STARD7: variants seen among roughly 807,000 people sequenced by gnomAD.
The protein encoded by STARD7 is stAR-related lipid transfer protein 7, mitochondrial.
Under a neutral mutation model 45.3 loss-of-function variants are expected in STARD7, and 30 were observed. The observed-to-expected ratio is 0.66, with a 90% confidence interval of 0.50 to 0.90. The LOEUF is 0.90. STARD7 is among the 40% of genes least tolerant of loss of function. The probability of loss-of-function intolerance (pLI) is 0.00; values close to 1 mark genes in which losing one functional copy is unlikely to be tolerated. For missense variants in STARD7, 495 were observed against 491.3 expected (o/e 1.01, Z -0.07); for synonymous variants, 199 against 183.0 (o/e 1.09, Z -0.70).
chr2:96,199,313 C>T (rs1243470514), intron 1 of STARD7, among the ~76,000 whole-genome samples: 2 of 152,154 alleles, frequency 1.3e-5, no homozygotes, highest in Non-Finnish European at 2.9e-5. Flanking sequence ...TCCATGAACA[C>T]GGGATGTCTT....
Position 96,208,395 on chromosome 2 carries a change from T to G in STARD7, c.40A>C (p.Thr14Pro). Residue 14 changes from threonine to proline, a missense_variant, in exon 1 of 8, where the codon ACG becomes CCG. This residue lies in a region of STARD7 where 282 missense variants were observed against 220.1 expected (regional missense o/e 1.28). Coordinates refer to ENST00000337288, the MANE Select transcript of STARD7 (RefSeq NM_020151.4). ...RRLLAAWLAGTRGGGLLALLA... is the reference protein window; with the variant it reads ...RRLLAAWLAGPRGGGLLALLA... The stretch of plus-strand genomic sequence containing the variant: ...AGCGCCAGCAGGCCCCCGCCCCGCG[T>G]CCCCGCCAGCCAGGCGGCCAGCAGC... 6.8e-7 allele frequency: 1 copy of G among 1,463,280 alleles called. No homozygotes were observed. The highest frequency in any genetic ancestry group is 9.0e-7 in the Non-Finnish European group (1 of 1,116,922). The allele number at this position is 1,463,280 out of a possible 1,614,324, so 90.6% of individuals were successfully genotyped here. A position where few individuals can be genotyped will look rare whatever the true frequency, so the allele number is the denominator to read the frequency against.
chr2:96,201,409 TAAAA>T (rs60808208), intron 1 of STARD7, among the ~76,000 whole-genome samples: 18 of 109,618 alleles, frequency 1.6e-4, no homozygotes, highest in African/African-American at 5.8e-4. Flanking sequence ...ACTCCACCTC[TAAAA>T]AAAAAAAAAA....
Position 96,197,109 on chromosome 2 carries a change from AAT to A in STARD7, c.291-1562_291-1561del, listed in dbSNP as rs1558735891. Among the ~76,000 whole-genome samples the A allele has an allele frequency of 1.2e-4, 17 of 144,508 alleles. 2 individuals carry two copies. In the East Asian group the frequency reaches 1.3e-3, roughly 11 times the overall value. The allele number at this position is 144,508 out of a possible 152,430, so 94.8% of individuals were successfully genotyped here. The stretch of plus-strand genomic sequence containing the variant: ...AATAAAATAAAATAAAATAAAATAA[AAT>A]AAAATAAAATAAAGCCAAGCACAAC... On this transcript the variant is annotated intron_variant, in intron 1 of 7. Transcript: ENST00000337288.
rs1414624344 is a variant in STARD7, at chr2:96,185,384, A to G, written c.*1346T>C. On this transcript the variant is annotated 3_prime_UTR_variant, in exon 8 of 8. Transcript: ENST00000337288. ...AAAACAGTAGCAAGCAGGAAAACAAAAACAAAAACAAAAACAAAAACTCTG... is the reference window on the plus strand; with the variant it reads ...AAAACAGTAGCAAGCAGGAAAACAAGAACAAAAACAAAAACAAAAACTCTG... The G allele has an allele frequency of 6.8e-6, 1 of 147,556 alleles. No individual in the cohort carries two copies. The highest frequency in any genetic ancestry group is 7.4e-5 in the Admixed American group (1 of 13,462). The allele number at this position is 147,556 out of a possible 1,614,324, so 9.1% of individuals were successfully genotyped here. A position where few individuals can be genotyped will look rare whatever the true frequency, so the allele number is the denominator to read the frequency against.
At chr2:96,192,257 C>G in intron 6 of STARD7, 112 bp downstream of exon 6, 3 of 862,860 alleles carry the variant, frequency 3.5e-6, no homozygotes, top group Non-Finnish European at 5.8e-6. Context: ...CAGACTCCCC[C>G]GAGCGAGAAC....
At chr2:96,204,262 GAA>G (rs967065847) in intron 1 of STARD7, among the ~76,000 whole-genome samples, 6 of 146,252 alleles carry the variant, frequency 4.1e-5, no homozygotes, top group East Asian at 2.1e-4. Flanking sequence ...TATGTCTTAA[GAA>G]AAAAAAGAGT....
intron 7 of STARD7, 130 bp from the exon 8 acceptor site, chr2:96,187,044 G>A (rs1340542880): frequency 4.0e-5 from 38 of 959,256 alleles, no homozygotes; most frequent in Non-Finnish European, 5.6e-5. Context: ...ACTAGCCTGT[G>A]AATAAGAGCT....
intron 6 of STARD7, 108 bp from the exon 7 acceptor site, chr2:96,187,409 T>C (rs1683054076): frequency 1.4e-6 from 1 of 711,438 alleles, no homozygotes; most frequent in Non-Finnish European, 2.4e-6. Flanking sequence ...GGGAGTGTCA[T>C]TTCTTTTTTC....
In STARD7 at chr2:96,191,297, G is replaced by A. The variant is rs149523756; in HGVS notation, c.843+1072C>T. Among the ~76,000 whole-genome samples, 601 of 152,306 alleles carry A rather than the reference G, an allele frequency of 3.9e-3. 3 individuals are homozygous for A. The highest frequency in any genetic ancestry group is 6.1e-3 in the Non-Finnish European group (412 of 68,028). ...GAGAAAGGAAATGGGAAAGGGTATAGATAAAACAATTTTGGCCATAAGTTG... is the reference window on the plus strand; with the variant it reads ...GAGAAAGGAAATGGGAAAGGGTATAAATAAAACAATTTTGGCCATAAGTTG... On this transcript the variant is annotated intron_variant, in intron 6 of 7. Coordinates refer to ENST00000337288, the MANE Select transcript of STARD7 (RefSeq NM_020151.4).
Position 96,193,362 on chromosome 2 carries a change from G to C in STARD7, c.550-10C>G. ...TATACTCTGTGTCCAGCTGCAGAAA[G>C]AGAAAAGACCATGAATACCCAAGAA... On this transcript the variant is annotated splice_polypyrimidine_tract_variant and intron_variant, in intron 3 of 7. Coordinates refer to ENST00000337288, the MANE Select transcript of STARD7 (RefSeq NM_020151.4). 1 of 1,582,630 alleles carries C rather than the reference G, an allele frequency of 6.3e-7. No homozygotes were observed. The highest frequency in any genetic ancestry group is 8.7e-7 in the Non-Finnish European group (1 of 1,151,560).
At chr2:96,204,554 C>T (rs964334512) in intron 1 of STARD7, among the ~76,000 whole-genome samples, 11 of 151,356 alleles carry the variant, frequency 7.3e-5, no homozygotes, top group African/African-American at 9.7e-5. Context: ...GACTCTGTCC[C>T]GGAAGGGGGC....
chr2:96,203,738 G>A (rs1041376136), intron 1 of STARD7, among the ~76,000 whole-genome samples: 3 of 152,172 alleles, frequency 2.0e-5, no homozygotes, highest in South Asian at 2.1e-4. Flanking sequence ...CAAGGCAGGC[G>A]GATCACTTGA....
chr2:96,194,918 T>C (rs1373622088), intron 3 of STARD7, 40 bp downstream of exon 3: 4 of 1,557,462 alleles, frequency 2.6e-6, no homozygotes, highest in East Asian at 2.3e-5. Flanking sequence ...GCAATTGATA[T>C]GCTAGGAGGC....
chr2:96,203,922 C>T (rs535088908), intron 1 of STARD7, among the ~76,000 whole-genome samples: 3 of 152,106 alleles, frequency 2.0e-5, no homozygotes, highest in East Asian at 1.9e-4. Context: ...GCCCAGATCA[C>T]ACCGCTGCAC....
rs1472682102 is a variant in STARD7, at chr2:96,187,250, G to A, written c.895C>T (p.Pro299Ser). 1.9e-6 allele frequency: 3 copies of A among 1,613,864 alleles called. No homozygotes were observed. The East Asian group carries it at 6.7e-5, about 36-fold the overall frequency. Residue 299 changes from proline to serine, a missense_variant, in exon 7 of 8, where the codon CCT becomes TCT. This residue lies in a region of STARD7 where 213 missense variants were observed against 271.2 expected (regional missense o/e 0.79). Transcript: ENST00000337288. ...ACCATCCAACTAACACAGTAGCGAG[G>A]AAACACCGTTTGGGGATTGTCACTG... is the stretch of plus-strand genomic sequence containing the variant. ...TYSDNPQTVF[P>S]RYCVSWMVSS...
chr2:96,193,174 G>T lies in STARD7; in HGVS notation c.661-14C>A. On this transcript the variant is annotated splice_polypyrimidine_tract_variant and intron_variant, in intron 4 of 7. Transcript: ENST00000337288. ...GTACATTGGATACTAAAGAAATGGA[G>T]GAGCAGGATTAGTGTTCTGCATCAC... 1 of 1,605,466 alleles carries T rather than the reference G, an allele frequency of 6.2e-7. No homozygotes were observed.
Position 96,208,469 on chromosome 2 carries a change from G to C in STARD7, c.-35C>G. On this transcript the variant is annotated 5_prime_UTR_variant, in exon 1 of 8. Coordinates refer to ENST00000337288, the MANE Select transcript of STARD7 (RefSeq NM_020151.4). ...CGCAGGGCCCGCCGCGAGCTTCCGG[G>C]GCCCAAGGAACCAGTCCGGAGGGGC... The C allele has an allele frequency of 7.4e-7, 1 of 1,359,186 alleles. No individual in the cohort carries two copies. The allele number at this position is 1,359,186 out of a possible 1,614,324, so 84.2% of individuals were successfully genotyped here.
At chr2:96,202,607 C>T (rs759688843) in intron 1 of STARD7, among the ~76,000 whole-genome samples, 1 of 152,126 alleles carries the variant, frequency 6.6e-6, no homozygotes, top group Non-Finnish European at 1.5e-5. Context: ...ATAAAGCATC[C>T]TTCAACAATA....
intron 1 of STARD7, among the ~76,000 whole-genome samples, chr2:96,205,976 C>T (rs142746214): frequency 1.2e-4 from 19 of 152,276 alleles, no homozygotes; most frequent in African/African-American, 1.4e-4. Context: ...CAAAGTGCAG[C>T]TTGAAAGTGT....
Sources: gnomAD v4.1 joint callset for allele counts (sites outside exome capture counted in the v4.1 genomes callset) on GRCh38, gnomAD v4.1.1 for gene constraint, gnomAD v4.1.1 regional missense constraint, MANE v1.5 for transcripts, NCBI Gene and HGNC (gene_info 2026-07-23, HGNC 2026-07-21) for gene names.